PI4K2B: variants seen among roughly 807,000 people sequenced by gnomAD.
PI4K2B encodes the protein phosphatidylinositol 4-kinase type 2-beta.
PI4K2B carries 46 observed loss-of-function variants against 56.6 expected under a neutral mutation model. The observed-to-expected ratio is 0.81, with a 90% CI of 0.64 to 1.04. The LOEUF (loss-of-function observed/expected upper bound fraction) is 1.04. Ranked by LOEUF, PI4K2B falls within the 50% of genes least tolerant of loss-of-function variation. The pLI is 0.00. For synonymous variants in PI4K2B, 211 were observed against 223.8 expected, an observed-to-expected ratio of 0.94 and a Z score of 0.51; for missense variants, 556 against 607.7, an observed-to-expected ratio of 0.91 and a Z score of 0.89.
chr4:25,269,639 C>CAA (rs201514191), intron 9 of PI4K2B, among the ~76,000 whole-genome samples: 3 of 128,004 alleles, frequency 2.3e-5, no homozygotes, highest in African/African-American at 5.6e-5. Context: ...AACTCCATCT[C>CAA]AAAAAAAAAA....
chr4:25,263,596 C>T (rs995603398), intron 6 of PI4K2B, among the ~76,000 whole-genome samples, 154 bp from the exon 7 acceptor site: 2 of 151,908 alleles, frequency 1.3e-5, no homozygotes, highest in Non-Finnish European at 2.9e-5. Context: ...CTCTTCCATT[C>T]CTGTGTGAAT....
In PI4K2B at chr4:25,278,567, G is replaced by A. The variant is rs1717188924; in HGVS notation, c.*1380G>A. ...TTTGGTCTTCATGGACGAGATGAAT[G>A]AGGATTCTGCTGCCCTGAGGGAGTT... is the stretch of plus-strand genomic sequence containing the variant. On this transcript the variant is annotated 3_prime_UTR_variant, in exon 10 of 10. Transcript: ENST00000264864. The A allele has an allele frequency of 6.6e-6, 1 of 152,602 alleles. No individual in the cohort carries two copies. Among genetic ancestry groups the A allele is most frequent in the Non-Finnish European group, 1.5e-5 (1 of 68,044 alleles). The allele number at this position is 152,602 out of a possible 1,614,324, so 9.5% of individuals were successfully genotyped here.
intron 1 of PI4K2B, among the ~76,000 whole-genome samples, chr4:25,246,077 C>T (rs569073928): frequency 2.6e-5 from 4 of 152,178 alleles, no homozygotes; most frequent in South Asian, 2.1e-4. Context: ...TTCGTGGTCT[C>T]GCTGGCTTCA....
At chr4:25,246,232 C>G (rs1577680150) in intron 1 of PI4K2B, among the ~76,000 whole-genome samples, 1 of 152,236 alleles carries the variant, frequency 6.6e-6, no homozygotes, top group East Asian at 1.9e-4. Flanking sequence ...TGGGTTGCCA[C>G]TGCTGGTTCG....
chr4:25,235,395 T>G (rs1715215908), intron 1 of PI4K2B, among the ~76,000 whole-genome samples: 1 of 152,262 alleles, frequency 6.6e-6, no homozygotes, highest in Admixed American at 6.5e-5. Flanking sequence ...ATTGTTAGAT[T>G]TTAAATGTAC....
intron 1 of PI4K2B, among the ~76,000 whole-genome samples, chr4:25,251,778 A>G (rs1459579104): frequency 6.6e-6 from 1 of 151,542 alleles, no homozygotes; most frequent in Non-Finnish European, 1.5e-5. Context: ...TATTAGTATT[A>G]TTTTTAATGA....
At chr4:25,260,260 G>A (rs1266450756) in intron 5 of PI4K2B, among the ~76,000 whole-genome samples, 1 of 151,926 alleles carries the variant, frequency 6.6e-6, no homozygotes, top group Admixed American at 6.6e-5. Flanking sequence ...TCACCTCACA[G>A]GGTAGTTTTG....
At chr4:25,269,347 G>A (rs944339880) in intron 9 of PI4K2B, 144 bp downstream of exon 9, 25 of 564,612 alleles carry the variant, frequency 4.4e-5, no homozygotes, top group African/African-American at 4.0e-4. Flanking sequence ...TAGAAATGAA[G>A]TTGATTCGGC....
Position 25,234,278 on chromosome 4 carries a change from C to G in PI4K2B, c.115C>G (p.Arg39Gly), listed in dbSNP as rs770780820. 158 of 1,421,062 alleles carry G rather than the reference C, an allele frequency of 1.1e-4. No individual in the cohort carries two copies. The highest frequency in any genetic ancestry group is 4.4e-4 in the Admixed American group (17 of 39,052). The allele number at this position is 1,421,062 out of a possible 1,614,324, so 88.0% of individuals were successfully genotyped here. A position where few individuals can be genotyped will look rare whatever the true frequency, so the allele number is the denominator to read the frequency against. ...LLPRIAWAHP[R>G]RGAPGSAVRL... ...ACCGCGGATCGCCTGGGCCCACCCG[C>G]GGAGAGGCGCCCCAGGCAGCGCCGT... The change falls in exon 1 of 10, where the codon CGG becomes GGG. Residue 39 changes from arginine to glycine, a missense_variant. Physicochemically the swap from Arg to Gly is moderately radical, Grantham distance 125. Coordinates refer to ENST00000264864, the MANE Select transcript of PI4K2B (RefSeq NM_018323.4).
chr4:25,275,994 A>C (rs1317342148), intron 9 of PI4K2B, among the ~76,000 whole-genome samples: 2 of 152,194 alleles, frequency 1.3e-5, no homozygotes, highest in African/African-American at 4.8e-5. Context: ...TATACTATTT[A>C]AAGTATTATG....
At chr4:25,243,702 A>T (rs1715635729) in intron 1 of PI4K2B, among the ~76,000 whole-genome samples, 1 of 152,204 alleles carries the variant, frequency 6.6e-6, no homozygotes, top group Admixed American at 6.5e-5. Context: ...TATTTTCTTA[A>T]GGCCTCTCGT....
chr4:25,263,635 A>G (rs780879128), intron 6 of PI4K2B, 115 bp from the exon 7 acceptor site: 35 of 468,522 alleles, frequency 7.5e-5, no homozygotes, highest in Non-Finnish European at 1.3e-4. Flanking sequence ...CATTATTTTT[A>G]TAGGCTCATC....
intron 9 of PI4K2B, among the ~76,000 whole-genome samples, chr4:25,275,619 T>C (rs1717064763): frequency 6.6e-6 from 1 of 151,994 alleles, no homozygotes; most frequent in African/African-American, 2.4e-5. Flanking sequence ...GTGATTGCAC[T>C]CTGCACTCCA....
chr4:25,237,879 CCT>C (rs1003426419), intron 1 of PI4K2B, among the ~76,000 whole-genome samples: 1 of 151,988 alleles, frequency 6.6e-6, no homozygotes, highest in African/African-American at 2.4e-5. Flanking sequence ...AGAAAAAGAC[CCT>C]GTCTCAAAAG....
intron 7 of PI4K2B, among the ~76,000 whole-genome samples, chr4:25,265,186 T>A: frequency 1.1e-5 from 1 of 90,626 alleles, no homozygotes; most frequent in South Asian, 4.6e-4. Flanking sequence ...CAAGAGTAAA[T>A]CTCTGTCTCA....
At chr4:25,271,497 C>T (rs545758322) in intron 9 of PI4K2B, among the ~76,000 whole-genome samples, 3 of 152,220 alleles carry the variant, frequency 2.0e-5, no homozygotes, top group East Asian at 1.9e-4. Context: ...GCTTAGTAGA[C>T]GAGGAGATGA....
rs757175526 is a variant in PI4K2B at position 25,255,102 on chromosome 4, C to CTTA, written c.463_465dup (p.Tyr155dup). On this transcript the variant is annotated inframe_insertion, in exon 3 of 10. Coordinates refer to ENST00000264864, the MANE Select transcript of PI4K2B (RefSeq NM_018323.4). ...GTGTTTAAACCCAAATCAGAAGAGC[C>CTTA]TTATGGTCAACTCAATCCAAAATGG... 21 of 1,613,796 alleles carry CTTA rather than the reference C, an allele frequency of 1.3e-5. No individual in the cohort carries two copies. The highest frequency in any genetic ancestry group is 1.6e-5 in the Non-Finnish European group (19 of 1,179,886).
At chr4:25,265,791 C>T (rs953166446) in intron 7 of PI4K2B, among the ~76,000 whole-genome samples, 1 of 152,052 alleles carries the variant, frequency 6.6e-6, no homozygotes, top group African/African-American at 2.4e-5. Context: ...CTATATATGG[C>T]CTATTTAGAG....
At chr4:25,241,691 C>T (rs1218406369) in intron 1 of PI4K2B, among the ~76,000 whole-genome samples, 1 of 152,206 alleles carries the variant, frequency 6.6e-6, no homozygotes, top group East Asian at 1.9e-4. Context: ...ACGGCCACTG[C>T]TGCAACTACA....
Sources: allele counts gnomAD v4.1 joint callset (sites outside exome capture counted in the v4.1 genomes callset), GRCh38; gene constraint gnomAD v4.1.1; transcripts MANE v1.5; gene names NCBI Gene and HGNC (gene_info 2026-07-23, HGNC 2026-07-21).